MYRIP: variants seen among roughly 807,000 people sequenced by gnomAD.
MYRIP encodes the protein rab effector MyRIP.
Under a neutral mutation model 98.0 loss-of-function variants are expected in MYRIP, and 49 were observed. That is an observed-to-expected ratio of 0.50 (90% confidence interval 0.40 to 0.63). The LOEUF (loss-of-function observed/expected upper bound fraction) is 0.63. Among genes scored for constraint, MYRIP ranks in the 30% least tolerant of loss-of-function variants. The probability of loss-of-function intolerance (pLI) is 0.00; values close to 1 mark genes in which losing one functional copy is unlikely to be tolerated. For synonymous variants in MYRIP, 404 were observed against 409.5 expected (o/e 0.99, Z 0.16); for missense variants, 1,004 against 1,058.2 (o/e 0.95, Z 0.71).
intron 2 of MYRIP, among the ~76,000 whole-genome samples, chr3:40,032,265 G>C (rs1947278533): frequency 6.6e-6 from 1 of 152,116 alleles, no homozygotes; most frequent in Admixed American, 6.6e-5. Context: ...TCATTCAGGA[G>C]CAGGTTGTTC....
At chr3:40,063,542 G>A (rs1293546900) in intron 3 of MYRIP, among the ~76,000 whole-genome samples, 1 of 152,162 alleles carries the variant, frequency 6.6e-6, no homozygotes, top group East Asian at 1.9e-4. Context: ...AGAATGGTTT[G>A]TTCAAATTTT....
In MYRIP at chr3:40,129,440, C is replaced by CAAAA. The variant is rs386396419; in HGVS notation, c.333-21575_333-21572dup. On this transcript the variant is annotated intron_variant, in intron 3 of 16. Coordinates refer to ENST00000302541, the MANE Select transcript of MYRIP (RefSeq NM_015460.4). Reference sequence around the variant, plus strand: ...TGGGCGACAGAGTGAGACTCTGTCTCAAAAAAAAAAAAAAAAAAAAAAAAA... The same window carrying CAAAA: ...TGGGCGACAGAGTGAGACTCTGTCTCAAAAAAAAAAAAAAAAAAAAAAAAAAAAA... Among the ~76,000 whole-genome samples the CAAAA allele has an allele frequency of 5.2e-3, 154 of 29,374 alleles. 47 individuals are homozygous for CAAAA. Among genetic ancestry groups the CAAAA allele is most frequent in the Admixed American group, 7.6e-3 (12 of 1,578 alleles). 19.3% of individuals were successfully genotyped at this position (29,374 alleles called of 152,430 possible). A position where few individuals can be genotyped will look rare whatever the true frequency, so the allele number is the denominator to read the frequency against.
intron 3 of MYRIP, among the ~76,000 whole-genome samples, chr3:40,135,405 G>C (rs1310219402): frequency 2.0e-5 from 3 of 152,236 alleles, no homozygotes; most frequent in South Asian, 2.1e-4. Context: ...ATCTACATCT[G>C]ATTGGTGTAT....
At chr3:40,024,584 T>C (rs1300997669) in intron 2 of MYRIP, among the ~76,000 whole-genome samples, 4 of 151,686 alleles carry the variant, frequency 2.6e-5, no homozygotes, top group African/African-American at 7.3e-5. Flanking sequence ...TTTTTTTTTT[T>C]ACATGTCCCT....
Position 40,010,843 on chromosome 3 carries a change from T to C in MYRIP, c.111-33207T>C, listed in dbSNP as rs1946747164. On this transcript the variant is annotated intron_variant, in intron 2 of 16. Coordinates refer to ENST00000302541, the MANE Select transcript of MYRIP (RefSeq NM_015460.4). Reference sequence around the variant, plus strand: ...CTTTCCTTTCACTGTCATCTTGCTCTGAATCTTGCCTCTCTCTGCCTCCTG... The same window carrying C: ...CTTTCCTTTCACTGTCATCTTGCTCCGAATCTTGCCTCTCTCTGCCTCCTG... 1.3e-5 allele frequency among the ~76,000 whole-genome samples: 2 copies of C among 152,204 alleles called. 1 individual carries two copies. Among genetic ancestry groups the C allele is most frequent in the African/African-American group, 4.8e-5 (2 of 41,454 alleles).
At chr3:40,223,721 C>T (rs749950194) in intron 11 of MYRIP, among the ~76,000 whole-genome samples, 3 of 152,126 alleles carry the variant, frequency 2.0e-5, no homozygotes, top group African/African-American at 4.8e-5. Flanking sequence ...CTGCTCATTC[C>T]CCACTTCTTC....
intron 3 of MYRIP, among the ~76,000 whole-genome samples, chr3:40,053,329 A>G (rs116176915): frequency 4.9e-4 from 74 of 152,348 alleles, no homozygotes; most frequent in Non-Finnish European, 8.4e-4. Context: ...AGATCTCTGC[A>G]GAGACTGTAA....
At chr3:40,128,956 A>G (rs576824830) in intron 3 of MYRIP, among the ~76,000 whole-genome samples, 1 of 152,208 alleles carries the variant, frequency 6.6e-6, no homozygotes, top group South Asian at 2.1e-4. Flanking sequence ...TATTATTAGC[A>G]TTGTATTTTC....
chr3:39,862,266 C>T (rs1942494437), intron 1 of MYRIP, among the ~76,000 whole-genome samples: 1 of 152,138 alleles, frequency 6.6e-6, no homozygotes, highest in Admixed American at 6.5e-5. Context: ...GAAATAAGAT[C>T]CTTTTTAGAC....
chr3:40,102,000 T>C (rs888903991), intron 3 of MYRIP, among the ~76,000 whole-genome samples: 2 of 152,164 alleles, frequency 1.3e-5, no homozygotes, highest in Admixed American at 1.3e-4. Flanking sequence ...TGTCAGTAGG[T>C]CTTTTTCTTT....
At chr3:40,212,083 CAT>C (rs10599051) in intron 11 of MYRIP, among the ~76,000 whole-genome samples, 10,759 of 62,674 alleles carry the variant, frequency 0.17, 2,008 homozygotes, top group Admixed American at 0.26. Context: ...TCCATATAGC[CAT>C]ATATATATAT....
At chr3:40,225,049 A>G (rs992485271) in intron 11 of MYRIP, among the ~76,000 whole-genome samples, 1 of 152,188 alleles carries the variant, frequency 6.6e-6, no homozygotes, top group Non-Finnish European at 1.5e-5. Flanking sequence ...TTTCTTTCCT[A>G]CCATTGAAAA....
chr3:39,868,775 C>T (rs1263807272), intron 1 of MYRIP, among the ~76,000 whole-genome samples: 1 of 152,118 alleles, frequency 6.6e-6, no homozygotes, highest in Admixed American at 6.6e-5. Context: ...CCAAACACCT[C>T]CTTTACGGAG....
At chr3:40,122,898 A>G (rs562515357) in intron 3 of MYRIP, among the ~76,000 whole-genome samples, 3 of 152,266 alleles carry the variant, frequency 2.0e-5, no homozygotes, top group Admixed American at 2.0e-4. Context: ...TTTTAGGTTC[A>G]GAGATACATA....
intron 1 of MYRIP, among the ~76,000 whole-genome samples, chr3:39,849,947 C>T (rs540528926): frequency 4.6e-5 from 7 of 152,274 alleles, no homozygotes; most frequent in Middle Eastern, 3.4e-3. Flanking sequence ...TTTAAAAGTT[C>T]GGATTTATAA....
intron 1 of MYRIP, among the ~76,000 whole-genome samples, chr3:39,849,127 G>T (rs1340848915): frequency 1.3e-5 from 2 of 152,186 alleles, no homozygotes; most frequent in African/African-American, 4.8e-5. Context: ...GTAAACCACA[G>T]CATTGAAGTA....
intron 10 of MYRIP, among the ~76,000 whole-genome samples, chr3:40,204,241 T>A (rs376179986): frequency 0.28 from 23,457 of 82,572 alleles, 7,177 homozygotes; most frequent in East Asian, 0.62. Context: ...ATATATTTTT[T>A]TTTTTTGAGA....
chr3:39,936,101 G>C (rs918765216), intron 2 of MYRIP, among the ~76,000 whole-genome samples: 1 of 150,358 alleles, frequency 6.7e-6, no homozygotes, highest in African/African-American at 2.5e-5. Flanking sequence ...TTTCCTGTTT[G>C]GATATTCATT....
At chr3:40,003,671 C>A (rs913803873) in intron 2 of MYRIP, among the ~76,000 whole-genome samples, 64 of 152,182 alleles carry the variant, frequency 4.2e-4, no homozygotes, top group African/African-American at 1.5e-3. Context: ...TATATATATT[C>A]TTTCTCCTCA....
Sources: gnomAD v4.1 joint callset for allele counts (sites outside exome capture counted in the v4.1 genomes callset) on GRCh38, gnomAD v4.1.1 for gene constraint, MANE v1.5 for transcripts, NCBI Gene and HGNC (gene_info 2026-07-23, HGNC 2026-07-21) for gene names.